Variants in NCALD observed in about 807,000 individuals in gnomAD.
The protein encoded by NCALD is neurocalcin-delta.
NCALD carries 10 observed loss-of-function variants against 18.6 expected under a neutral mutation model. The observed-to-expected ratio is 0.54, with a 90% CI of 0.33 to 0.91. The LOEUF (loss-of-function observed/expected upper bound fraction) is 0.91. Among genes scored for constraint, NCALD ranks in the 40% least tolerant of loss-of-function variants. The pLI, the probability that NCALD is intolerant of heterozygous loss-of-function variation, is 0.03. For missense variants in NCALD, 184 were observed against 247.6 expected, an observed-to-expected ratio of 0.74 and a Z score of 1.72; for synonymous variants, 88 against 87.4, an observed-to-expected ratio of 1.01 and a Z score of -0.04.
chr8:101,938,324 T>A (rs1468705573), intron 2 of NCALD, among the ~76,000 whole-genome samples: 1 of 152,188 alleles, frequency 6.6e-6, no homozygotes, highest in African/African-American at 2.4e-5. Context: ...TATAATACTC[T>A]TATGAATACA....
At chr8:101,890,674 G>C (rs2131504666) in intron 3 of NCALD, among the ~76,000 whole-genome samples, 1 of 152,272 alleles carries the variant, frequency 6.6e-6, no homozygotes, top group African/African-American at 2.4e-5. Context: ...GCAGAGACTA[G>C]GCTTCACGAG....
At chr8:102,084,083 ACAGT>A (rs1198015566) in intron 1 of NCALD, among the ~76,000 whole-genome samples, 3 of 152,238 alleles carry the variant, frequency 2.0e-5, no homozygotes, top group African/African-American at 7.2e-5. Flanking sequence ...CTCTAAATGC[ACAGT>A]CAGAATAGAT....
At chr8:102,087,531 C>T (rs1055222271) in intron 1 of NCALD, among the ~76,000 whole-genome samples, 11 of 152,206 alleles carry the variant, frequency 7.2e-5, no homozygotes, top group South Asian at 6.2e-4. Flanking sequence ...AAGGCAAGGA[C>T]GCTTGACCAA....
intron 1 of NCALD, among the ~76,000 whole-genome samples, chr8:102,107,557 G>C (rs936355194): frequency 6.6e-6 from 1 of 152,112 alleles, no homozygotes; most frequent in Non-Finnish European, 1.5e-5. Flanking sequence ...GAAGGGCTGA[G>C]CTCATTCAGC....
At chr8:101,945,041 T>C (rs1337196516) in intron 2 of NCALD, among the ~76,000 whole-genome samples, 1 of 152,184 alleles carries the variant, frequency 6.6e-6, no homozygotes, top group East Asian at 1.9e-4. Flanking sequence ...ATCAGAGCAA[T>C]GTTCGTGTCC....
chr8:101,692,016 T>A, intron 3 of NCALD: 1 of 982,702 alleles, frequency 1.0e-6, no homozygotes, highest in Non-Finnish European at 1.2e-6. Flanking sequence ...TGATGCCCCG[T>A]TAACTTTGAA....
intron 1 of NCALD, among the ~76,000 whole-genome samples, chr8:102,078,100 T>C (rs1441345565): frequency 6.6e-6 from 1 of 152,086 alleles, no homozygotes; most frequent in African/African-American, 2.4e-5. Flanking sequence ...TCCTGACCCT[T>C]TCCCTGTCTT....
intron 4 of NCALD, among the ~76,000 whole-genome samples, chr8:101,835,832 C>T (rs747623774): frequency 1.3e-5 from 2 of 152,116 alleles, no homozygotes; most frequent in African/African-American, 2.4e-5. Flanking sequence ...GGAGCATGCA[C>T]AGCTGTGGAC....
intron 2 of NCALD, among the ~76,000 whole-genome samples, chr8:101,946,102 A>G (rs1228227901): frequency 2.0e-5 from 3 of 152,204 alleles, no homozygotes; most frequent in Non-Finnish European, 2.9e-5. Flanking sequence ...AATGTCTTGA[A>G]TAAAGCAAAG....
chr8:101,946,263 C>T (rs4734603), intron 2 of NCALD, among the ~76,000 whole-genome samples: 53,693 of 151,960 alleles, frequency 0.35, 9,775 homozygotes, highest in South Asian at 0.44. Context: ...TATTGAACTC[C>T]TGTTATGTGC....
intron 1 of NCALD, among the ~76,000 whole-genome samples, chr8:102,046,852 G>A (rs1296689012): frequency 7.3e-6 from 1 of 136,728 alleles, no homozygotes; most frequent in African/African-American, 2.7e-5. Context: ...ATGAAGGTTT[G>A]TTACATAGTT....
rs372261103 is a variant in NCALD at position 101,736,086 on chromosome 8, C to T, written c.-19-16438G>A. Among the ~76,000 whole-genome samples, 25 of 152,224 alleles carry T rather than the reference C, an allele frequency of 1.6e-4. No homozygotes were observed. In the East Asian group the frequency reaches 3.1e-3, roughly 19 times the overall value. On this transcript the variant is annotated intron_variant, in intron 1 of 3. Transcript: ENST00000220931. ...AGCGGGAGACTCAAACCAGGCAAGCCCCCGTTCCTATGCAGGAGCCCTCAT... is the reference window on the plus strand; with the variant it reads ...AGCGGGAGACTCAAACCAGGCAAGCTCCCGTTCCTATGCAGGAGCCCTCAT...
chr8:101,719,941 T>C (rs566928375), intron 1 of NCALD, among the ~76,000 whole-genome samples: 3 of 152,218 alleles, frequency 2.0e-5, no homozygotes, highest in East Asian at 1.9e-4. Context: ...TAGAGGGAAA[T>C]GAGGGCAGGG....
chr8:101,961,766 C>T (rs1051027471), intron 2 of NCALD, among the ~76,000 whole-genome samples: 1 of 152,088 alleles, frequency 6.6e-6, no homozygotes, highest in Admixed American at 6.6e-5. Flanking sequence ...TTACAAAGGA[C>T]ATTCTCGCCA....
At chr8:101,841,836 C>G (rs1364886384) in intron 4 of NCALD, among the ~76,000 whole-genome samples, 1 of 151,986 alleles carries the variant, frequency 6.6e-6, no homozygotes, top group African/African-American at 2.4e-5. Flanking sequence ...CTGAGGGGCC[C>G]TAATGAAGGG....
chr8:102,030,916 G>T (rs1393745924), intron 1 of NCALD, among the ~76,000 whole-genome samples: 2 of 150,000 alleles, frequency 1.3e-5, no homozygotes, highest in Non-Finnish European at 3.0e-5. Context: ...ATATAAAGTA[G>T]ATAAAGGGGA....
chr8:101,985,660 A>AACATTAATGTTGCTGGG (rs1199519217), intron 2 of NCALD, among the ~76,000 whole-genome samples: 2 of 152,220 alleles, frequency 1.3e-5, no homozygotes, highest in African/African-American at 4.8e-5. Flanking sequence ...AAAGAGGATG[A>AACATTAATGTTGCTGGG]ACATTAATGT....
intron 2 of NCALD, among the ~76,000 whole-genome samples, chr8:102,006,219 A>G (rs117231323): frequency 6.6e-6 from 1 of 152,124 alleles, no homozygotes; most frequent in African/African-American, 2.4e-5. Flanking sequence ...TCCTCATATC[A>G]TTAACCCACT....
Position 101,798,837 on chromosome 8 carries a change from C to G in NCALD, c.-19-79189G>C, listed in dbSNP as rs1450026016. Among the ~76,000 whole-genome samples, 3 of 152,260 alleles carry G rather than the reference C, an allele frequency of 2.0e-5. No individual in the cohort carries two copies. The South Asian group carries it at 6.2e-4, about 32-fold the overall frequency. The stretch of plus-strand genomic sequence containing the variant: ...TACATCAATGGAACAGAATGGAGAA[C>G]CCAATAGCTCACCACATAAATATGA... On this transcript the variant is annotated intron_variant, in intron 4 of 6. Coordinates refer to the NCALD transcript ENST00000311028.
Sources: allele counts gnomAD v4.1 joint callset (sites outside exome capture counted in the v4.1 genomes callset), GRCh38; gene constraint gnomAD v4.1.1; transcripts MANE v1.5; gene names NCBI Gene and HGNC (gene_info 2026-07-23, HGNC 2026-07-21).